DCBLD2: variants seen among roughly 807,000 people sequenced by gnomAD.
DCBLD2 encodes discoidin, CUB and LCCL domain containing 2.
A neutral mutation model predicts 86.8 loss-of-function variants in DCBLD2; 54 were observed. The ratio of observed to expected loss-of-function variants is 0.62; its 90% CI spans 0.50 to 0.78. The LOEUF is 0.78. Ranked by LOEUF, DCBLD2 falls within the 30% of genes least tolerant of loss-of-function variation. DCBLD2 has a pLI of 0.00. For synonymous variants in DCBLD2, 354 were observed against 341.3 expected, an observed-to-expected ratio of 1.04 and a Z score of -0.41; for missense variants, 908 against 954.2, an observed-to-expected ratio of 0.95 and a Z score of 0.64.
In DCBLD2 at chr3:98,866,238, C is replaced by T. The variant is rs536151320; in HGVS notation, c.433+15302G>A. On this transcript the variant is annotated intron_variant, in intron 2 of 15. Transcript: ENST00000326840. ...GGGTATATACCCAGTAATGGGATGG[C>T]TGGGTCAAATGGTATTTCTAGTTCT... Among the ~76,000 whole-genome samples the T allele has an allele frequency of 6.2e-3, 946 of 152,220 alleles. 9 individuals carry two copies. Among genetic ancestry groups the T allele is most frequent in the African/African-American group, 0.022 (899 of 41,518 alleles).
chr3:98,886,173 T>A (rs2107526376), intron 1 of DCBLD2, among the ~76,000 whole-genome samples: 2 of 152,056 alleles, frequency 1.3e-5, no homozygotes, highest in South Asian at 4.1e-4. Context: ...GACTTTCCAA[T>A]TTTTAAAAAA....
chr3:98,824,172 C>T (rs1467796586), intron 4 of DCBLD2, among the ~76,000 whole-genome samples: 1 of 152,030 alleles, frequency 6.6e-6, no homozygotes, highest in African/African-American at 2.4e-5. Flanking sequence ...GAATATATTT[C>T]TAAGTAAAAA....
intron 1 of DCBLD2, among the ~76,000 whole-genome samples, chr3:98,899,053 C>A (rs1238426831): frequency 4.1e-5 from 6 of 146,096 alleles, no homozygotes; most frequent in Non-Finnish European, 7.5e-5. Flanking sequence ...AATGATTTAG[C>A]AAAATTTACC....
chr3:98,852,334 C>T (rs1299782238), intron 2 of DCBLD2, among the ~76,000 whole-genome samples: 1 of 151,728 alleles, frequency 6.6e-6, no homozygotes, highest in African/African-American at 2.4e-5. Context: ...GCAACCTCTG[C>T]CTCCCACGTT....
Position 98,799,344 on chromosome 3 carries a change from C to G in DCBLD2, c.*28G>C. 6.4e-7 allele frequency: 1 copy of G among 1,551,814 alleles called. No individual in the cohort carries two copies. Among genetic ancestry groups the G allele is most frequent in the East Asian group, 2.3e-5 (1 of 44,336 alleles). ...AAAAAAAAGGCCATGTGCTTTAAAA[C>G]GATGCTTTGTAAAAAGCAGCATCAT... On this transcript the variant is annotated 3_prime_UTR_variant, in exon 16 of 16. Coordinates refer to ENST00000326840, the MANE Select transcript of DCBLD2 (RefSeq NM_080927.4).
At chr3:98,828,639 G>A (rs1184077728) in intron 3 of DCBLD2, among the ~76,000 whole-genome samples, 1 of 152,170 alleles carries the variant, frequency 6.6e-6, no homozygotes, top group African/African-American at 2.4e-5. Context: ...TTGGAAAATG[G>A]TTTGGCAGTT....
chr3:98,797,505 A>G lies in DCBLD2; in HGVS notation c.*1867T>C, dbSNP rs375134571. ...CTGGTTTGCTCTCTTCCCACCTGAAAAGGGATGACTGCATTAATATATGTG... is the reference window on the plus strand; with the variant it reads ...CTGGTTTGCTCTCTTCCCACCTGAAGAGGGATGACTGCATTAATATATGTG... On this transcript the variant is annotated 3_prime_UTR_variant, in exon 16 of 16. Transcript: ENST00000326840. The G allele has an allele frequency of 6.6e-6, 1 of 152,604 alleles. No homozygotes were observed. Among genetic ancestry groups the G allele is most frequent in the African/African-American group, 2.4e-5 (1 of 41,464 alleles). The allele number at this position is 152,604 out of a possible 1,614,324, so 9.5% of individuals were successfully genotyped here.
chr3:98,900,515 C>A (rs1559805012), intron 1 of DCBLD2, among the ~76,000 whole-genome samples: 2 of 151,954 alleles, frequency 1.3e-5, no homozygotes, highest in Admixed American at 1.3e-4. Flanking sequence ...AAAGGCTTAC[C>A]TTTTTAATGT....
intron 9 of DCBLD2, 110 bp downstream of exon 9, chr3:98,817,659 A>G: frequency 1.0e-6 from 1 of 987,510 alleles, no homozygotes; most frequent in Non-Finnish European, 1.5e-6. Context: ...ACAAGAGGGT[A>G]GTATAAGACA....
At chr3:98,801,871 C>A (rs1256782147) in intron 13 of DCBLD2, 8 of 448,614 alleles carry the variant, frequency 1.8e-5, no homozygotes, top group Non-Finnish European at 2.4e-5. Flanking sequence ...CATGTCACTA[C>A]AAAGGACAGG....
chr3:98,849,480 G>C lies in DCBLD2; in HGVS notation c.552C>G (p.Tyr184Ter). Residue 184 changes from tyrosine (Y) to a stop codon, truncating the protein, a stop_gained, in exon 3 of 16, where the codon TAC (tyrosine) becomes TAG (stop). Transcript: ENST00000326840. LOFTEE classifies it high-confidence loss of function. ...HVSGRGFLAS[Y>*]SVIDKQDLIT... The stretch of plus-strand genomic sequence containing the variant: ...AATTACCTTGTTTATCTATAACAGA[G>C]TATGAGGCCAAAAATCCGCGTCCAG... 1 of 1,613,938 alleles carries C rather than the reference G, an allele frequency of 6.2e-7. No individual in the cohort carries two copies. The highest frequency in any genetic ancestry group is 1.1e-5 in the South Asian group (1 of 91,078).
chr3:98,847,752 A>G (rs570500608), intron 3 of DCBLD2, among the ~76,000 whole-genome samples: 12 of 152,352 alleles, frequency 7.9e-5, no homozygotes, highest in African/African-American at 2.9e-4. Context: ...AACTTAATTC[A>G]ATGCTGAATA....
rs566571611 is a variant in DCBLD2 at position 98,834,779 on chromosome 3, C to T, written c.572-9413G>A. Among the ~76,000 whole-genome samples, 72 of 152,292 alleles carry T rather than the reference C, an allele frequency of 4.7e-4. No homozygotes were observed. In the South Asian group the frequency reaches 9.6e-3, roughly 20 times the overall value. ...AAGATGGGAGTGCAGATATCTTTTC[C>T]ATATATTGAAACTTATAGATGTTAT... On this transcript the variant is annotated intron_variant, in intron 3 of 15. Transcript: ENST00000326840.
intron 2 of DCBLD2, among the ~76,000 whole-genome samples, chr3:98,850,679 CTCCAAGGATA>C (rs1325923609): frequency 6.6e-6 from 1 of 152,098 alleles, no homozygotes; most frequent in South Asian, 2.1e-4. Context: ...TAATGTGGAC[CTCCAAGGATA>C]TCATTTTCAA....
chr3:98,849,585 A>C lies in DCBLD2; in HGVS notation c.447T>G (p.Gly149=), dbSNP rs560028702. Residue 149 remains glycine (G), a synonymous_variant, in exon 3 of 16, where the codon GGT becomes GGG. Coordinates refer to ENST00000326840, the MANE Select transcript of DCBLD2 (RefSeq NM_080927.4). ...TTGAATGGTTCATTTGCAACCCCAG[A>C]CCACAGTATTTGCCTAGGAATGAAA... ...VSRTEIGKYC[G]LGLQMNHSIE... 1.2e-6 allele frequency: 2 copies of C among 1,611,102 alleles called. No homozygotes were observed. Among genetic ancestry groups the C allele is most frequent in the South Asian group, 1.1e-5 (1 of 90,916 alleles).
intron 2 of DCBLD2, among the ~76,000 whole-genome samples, chr3:98,851,642 A>C (rs1349722121): frequency 6.6e-6 from 1 of 152,234 alleles, no homozygotes. Flanking sequence ...CCTAAGCAAA[A>C]AGAACAAAGC....
At chr3:98,881,347 A>T (rs1266992293) in intron 2 of DCBLD2, among the ~76,000 whole-genome samples, 193 bp downstream of exon 2, 2 of 152,012 alleles carry the variant, frequency 1.3e-5, no homozygotes, top group African/African-American at 4.8e-5. Flanking sequence ...ATATGTGCTT[A>T]TTAGAAAAGT....
chr3:98,892,433 G>C (rs966381125), intron 1 of DCBLD2, among the ~76,000 whole-genome samples: 2 of 151,972 alleles, frequency 1.3e-5, no homozygotes, highest in African/African-American at 4.8e-5. Context: ...CATGCCCCCT[G>C]GTTATTTGAC....
intron 2 of DCBLD2, among the ~76,000 whole-genome samples, chr3:98,861,482 T>C (rs113807143): frequency 2.6e-5 from 4 of 152,122 alleles, no homozygotes; most frequent in African/African-American, 4.8e-5. Context: ...GGAAGTAAAG[T>C]ACTCCTCAGC....
Sources: gnomAD v4.1 joint callset for allele counts (sites outside exome capture counted in the v4.1 genomes callset) on GRCh38, gnomAD v4.1.1 for gene constraint, MANE v1.5 for transcripts, NCBI Gene and HGNC (gene_info 2026-07-23, HGNC 2026-07-21) for gene names.